The following CAMTA1 variants were observed in gnomAD, a reference collection of about 807,000 sequenced individuals.
The protein encoded by CAMTA1 is calmodulin-binding transcription activator 1.
CAMTA1 carries 27 observed loss-of-function variants against 170.9 expected under a neutral mutation model. The ratio of observed to expected loss-of-function variants is 0.16; its 90% confidence interval spans 0.12 to 0.22. CAMTA1 has a LOEUF of 0.22. CAMTA1 is among the 10% of genes least tolerant of loss of function. The pLI is 1.00. For synonymous variants in CAMTA1, 833 were observed against 891.5 expected, an observed-to-expected ratio of 0.93 and a Z score of 1.17; for missense variants, 1,619 against 2,217.2, an observed-to-expected ratio of 0.73 and a Z score of 5.42.
intron 6 of CAMTA1, among the ~76,000 whole-genome samples, chr1:7,583,588 A>G (rs1048457282): frequency 1.2e-4 from 18 of 152,202 alleles, no homozygotes; most frequent in African/African-American, 4.1e-4. Flanking sequence ...CCCTGTGTGG[A>G]ACCTGCTCTG....
intron 16 of CAMTA1, among the ~76,000 whole-genome samples, chr1:7,742,307 A>G (rs981629742): frequency 5.9e-5 from 9 of 152,104 alleles, no homozygotes; most frequent in Non-Finnish European, 1.3e-4. Context: ...TCAAGTAGAT[A>G]TGAAAAGCAT....
At chr1:7,508,353 C>T (rs1557840280) in intron 6 of CAMTA1, among the ~76,000 whole-genome samples, 2 of 152,168 alleles carry the variant, frequency 1.3e-5, no homozygotes, top group South Asian at 2.1e-4. Context: ...GAAGCTGGGA[C>T]GTGGGGCTGG....
Position 7,663,500 on chromosome 1 carries a change from G to A in CAMTA1, c.953G>A (p.Ser318Asn). The A allele has an allele frequency of 4.4e-6, 7 of 1,600,482 alleles. No individual in the cohort carries two copies. The highest frequency in any genetic ancestry group is 6.0e-6 in the Non-Finnish European group (7 of 1,169,658). Residue 318 changes from serine (S) to asparagine (N), a missense_variant, in exon 9 of 23, where the codon AGC becomes AAC. Around this residue, in one of 8 missense-constraint regions of CAMTA1, gnomAD observed 731 missense variants for 907.6 expected, o/e 0.81. Transcript: ENST00000303635. Reference protein sequence around the residue: ...VSEGKHEHSHSKGSSREKRNG... With the variant: ...VSEGKHEHSHNKGSSREKRNG... ...GAGGGCAAGCACGAGCACAGCCACAGCAAGGGCTCCAGCCGTGAGAAGAGG... is the reference window on the plus strand; with the variant it reads ...GAGGGCAAGCACGAGCACAGCCACAACAAGGGCTCCAGCCGTGAGAAGAGG...
intron 6 of CAMTA1, among the ~76,000 whole-genome samples, chr1:7,526,794 TGAG>T: frequency 6.6e-6 from 1 of 152,280 alleles, no homozygotes; most frequent in African/African-American, 2.4e-5. Flanking sequence ...CAGGCTGACA[TGAG>T]GAGGCCCTGG....
rs74423050 is a variant in CAMTA1 at position 7,078,934 on chromosome 1, G to A, written c.235-12370G>A. On this transcript the variant is annotated intron_variant, in intron 3 of 22. Coordinates refer to ENST00000303635, the MANE Select transcript of CAMTA1 (RefSeq NM_015215.4). ...CAGGGCAGAATATCATACAGGAGAAGGCCTGGCAAAGAAAGTGCTCTAGAA... is the reference window on the plus strand; with the variant it reads ...CAGGGCAGAATATCATACAGGAGAAAGCCTGGCAAAGAAAGTGCTCTAGAA... Among the ~76,000 whole-genome samples, 1,175 of 152,272 alleles carry A rather than the reference G, an allele frequency of 7.7e-3. 13 individuals carry two copies. The highest frequency in any genetic ancestry group is 0.027 in the Middle Eastern group (8 of 294).
rs1679111648 is a variant in CAMTA1 at position 7,325,241 on chromosome 1, G to A, written c.438+75615G>A. 6.6e-6 allele frequency among the ~76,000 whole-genome samples: 1 copy of A among 152,190 alleles called. No individual in the cohort carries two copies. Among genetic ancestry groups the A allele is most frequent in the Non-Finnish European group, 1.5e-5 (1 of 68,032 alleles). On this transcript the variant is annotated intron_variant, in intron 5 of 22. Transcript: ENST00000303635. The surrounding 1 kb of genome is among the most constrained non-coding windows in gnomAD (Gnocchi z 5.0). ...ATTCTAAACAATAAACATCCACGAG[G>A]AAATGATAGAAGATATCAGAAGGGG...
intron 1 of CAMTA1, among the ~76,000 whole-genome samples, chr1:6,810,676 A>G (rs929291970): frequency 3.3e-5 from 5 of 152,054 alleles, no homozygotes; most frequent in African/African-American, 4.8e-5. Context: ...GTGGTGGCGG[A>G]CACCTGCAGT....
intron 3 of CAMTA1, among the ~76,000 whole-genome samples, chr1:6,968,514 G>C (rs1027356838): frequency 6.6e-6 from 1 of 152,166 alleles, no homozygotes; most frequent in Non-Finnish European, 1.5e-5. Flanking sequence ...TGCGTGCCAG[G>C]TGCTGTGCTG....
Position 6,835,976 on chromosome 1 carries a change from T to C in CAMTA1, c.234+10766T>C, listed in dbSNP as rs1042140640. On this transcript the variant is annotated intron_variant, in intron 3 of 22. Coordinates refer to ENST00000303635, the MANE Select transcript of CAMTA1 (RefSeq NM_015215.4). ...CATGAACAATAGTCTCCCCACTCCT[T>C]CTTCATATCCGTTTGGCTCAAGTAG... Among the ~76,000 whole-genome samples, 3 of 152,294 alleles carry C rather than the reference T, an allele frequency of 2.0e-5. No homozygotes were observed. The East Asian group carries it at 5.8e-4, about 29-fold the overall frequency.
Position 7,416,502 on chromosome 1 carries a change from C to T in CAMTA1, c.439-51328C>T, listed in dbSNP as rs550734501. On this transcript the variant is annotated intron_variant, in intron 5 of 22. Coordinates refer to ENST00000303635, the MANE Select transcript of CAMTA1 (RefSeq NM_015215.4). ...CTAAACTTCTCTTCTCGCTTCATTT[C>T]ATTCATTTGATCTTCCATCACTGAT... 2.0e-5 allele frequency among the ~76,000 whole-genome samples: 3 copies of T among 152,260 alleles called. No individual in the cohort carries two copies. In the East Asian group the frequency reaches 5.8e-4, roughly 29 times the overall value.
rs958034978 is a variant in CAMTA1, at chr1:7,737,843, G to A, written c.3659-116G>A. On this transcript the variant is annotated intron_variant, in intron 15 of 22. Coordinates refer to ENST00000303635, the MANE Select transcript of CAMTA1 (RefSeq NM_015215.4). ...CTGGGGATATTTAAATGTTAGGGAC[G>A]TGTCTTGAGTTCCGGCTTTGCACTT... 17 of 1,020,266 alleles carry A rather than the reference G, an allele frequency of 1.7e-5. No homozygotes were observed. The African/African-American group carries it at 1.9e-4, about 12-fold the overall frequency. 63.2% of individuals were successfully genotyped at this position (1,020,266 alleles called of 1,614,324 possible).
intron 5 of CAMTA1, among the ~76,000 whole-genome samples, chr1:7,449,545 G>A (rs1390091312): frequency 2.6e-5 from 4 of 152,062 alleles, no homozygotes; most frequent in South Asian, 2.1e-4. Context: ...CAAGGCGGGC[G>A]GATCAATTGA....
intron 18 of CAMTA1, among the ~76,000 whole-genome samples, chr1:7,746,879 C>T (rs1317986373): frequency 6.6e-6 from 1 of 152,162 alleles, no homozygotes; most frequent in Admixed American, 6.5e-5. Context: ...TCAAGTGATC[C>T]GCCTGCCTTG....
chr1:6,902,966 ATTTAC>A (rs921181513), intron 3 of CAMTA1, among the ~76,000 whole-genome samples: 20 of 152,362 alleles, frequency 1.3e-4, no homozygotes, highest in African/African-American at 4.3e-4. Context: ...ACTCTTAAGT[ATTTAC>A]TTTAGGAAAA....
chr1:6,953,152 G>C (rs1359113803), intron 3 of CAMTA1, among the ~76,000 whole-genome samples: 2 of 152,188 alleles, frequency 1.3e-5, no homozygotes, highest in Non-Finnish European at 2.9e-5. Context: ...AGCCCGTCCT[G>C]CATCTGTCCC....
intron 11 of CAMTA1, among the ~76,000 whole-genome samples, chr1:7,711,678 A>G (rs2096571770): frequency 1.3e-5 from 2 of 152,208 alleles, no homozygotes; most frequent in South Asian, 4.1e-4. Context: ...TTAGTATTAT[A>G]CACTGTGGTT....
intron 6 of CAMTA1, among the ~76,000 whole-genome samples, chr1:7,493,367 ACG>A (rs2093765728): frequency 3.5e-5 from 3 of 86,790 alleles, no homozygotes; most frequent in East Asian, 3.4e-4. Context: ...ATACAAACAC[ACG>A]TGCGCACACA....
At chr1:7,406,414 A>G (rs1396128924) in intron 5 of CAMTA1, among the ~76,000 whole-genome samples, 1 of 152,196 alleles carries the variant, frequency 6.6e-6, no homozygotes, top group African/African-American at 2.4e-5. Context: ...GCAGTCCTCC[A>G]CGTCTTAGAT....
At chr1:7,364,797 C>T (rs1343464305) in intron 5 of CAMTA1, among the ~76,000 whole-genome samples, 1 of 152,142 alleles carries the variant, frequency 6.6e-6, no homozygotes, top group East Asian at 1.9e-4. Flanking sequence ...TAAAAACACT[C>T]CACACAGTGC....
Sources: allele counts gnomAD v4.1 joint callset (sites outside exome capture counted in the v4.1 genomes callset), GRCh38; gene constraint gnomAD v4.1.1; regional missense constraint gnomAD v4.1.1; non-coding constraint Gnocchi (gnomAD v3.1); transcripts MANE v1.5; gene names NCBI Gene and HGNC (gene_info 2026-07-23, HGNC 2026-07-21).